Variants in IP6K1 observed in about 807,000 individuals in gnomAD.
The protein encoded by IP6K1 is inositol hexakisphosphate kinase 1, also known as ATP:1D-myo-inositol-hexakisphosphate phosphotransferase.
IP6K1 carries 13 observed loss-of-function variants against 38.3 expected under a neutral mutation model. The observed-to-expected ratio is 0.34, with a 90% CI of 0.22 to 0.54. The LOEUF is 0.54. IP6K1 is among the 20% of genes least tolerant of loss of function. IP6K1 has a pLI of 0.92. For missense variants in IP6K1, 397 were observed against 599.8 expected (o/e 0.66, Z 3.53); for synonymous variants, 212 against 229.9 (o/e 0.92, Z 0.70).
At chr3:49,730,802 C>T (rs918301351) in intron 4 of IP6K1, among the ~76,000 whole-genome samples, 2 of 152,076 alleles carry the variant, frequency 1.3e-5, no homozygotes, top group Admixed American at 6.6e-5. Flanking sequence ...TCGCAACCTC[C>T]GCCTCTTGAG....
Position 49,728,183 on chromosome 3 carries a change from C to T in IP6K1, c.712G>A (p.Ala238Thr). ...GTRQHGDDAS[A>T]EKAARQMRKC... ...CGCATCTGCCGGGCTGCCTTCTCAG[C>T]TGACGCGTCATCGCCATGCTGCCGC... Residue 238 changes from alanine to threonine, a missense_variant, in exon 5 of 6, where the codon GCT becomes ACT. Coordinates refer to ENST00000321599, the MANE Select transcript of IP6K1 (RefSeq NM_153273.4). 1 of 1,614,184 alleles carries T rather than the reference C, an allele frequency of 6.2e-7. No individual in the cohort carries two copies. The highest frequency in any genetic ancestry group is 8.5e-7 in the Non-Finnish European group (1 of 1,180,052).
intron 1 of IP6K1, among the ~76,000 whole-genome samples, chr3:49,779,135 CA>C (rs1407010673): frequency 6.6e-6 from 1 of 152,212 alleles, no homozygotes; most frequent in Non-Finnish European, 1.5e-5. Flanking sequence ...CTATCCCCTA[CA>C]ACCACCTCCA....
rs531340416 is a variant in IP6K1, at chr3:49,752,225, C to T, written c.-128-4057G>A. Among the ~76,000 whole-genome samples, 32 of 152,050 alleles carry T rather than the reference C, an allele frequency of 2.1e-4. 1 individual carries two copies. In the East Asian group the frequency reaches 4.9e-3, roughly 23 times the overall value. Reference sequence around the variant, plus strand: ...AGGGTTGGCCGGGTGCAGTGCCTCACGCCTGTAATCCCAGCACTTTGGGAA... The same window carrying T: ...AGGGTTGGCCGGGTGCAGTGCCTCATGCCTGTAATCCCAGCACTTTGGGAA... On this transcript the variant is annotated intron_variant, in intron 1 of 5. Coordinates refer to ENST00000321599, the MANE Select transcript of IP6K1 (RefSeq NM_153273.4).
At chr3:49,757,041 G>A (rs1041482459) in intron 1 of IP6K1, among the ~76,000 whole-genome samples, 13 of 152,098 alleles carry the variant, frequency 8.5e-5, no homozygotes, top group Admixed American at 5.9e-4. Context: ...GTAGAAGGAT[G>A]GGAGAAATGG....
At chr3:49,756,633 C>A (rs1232744182) in intron 1 of IP6K1, among the ~76,000 whole-genome samples, 9 of 151,948 alleles carry the variant, frequency 5.9e-5, no homozygotes, top group Non-Finnish European at 1.0e-4. Flanking sequence ...GTCTGACCAA[C>A]ATGGAGAAAC....
At chr3:49,763,377 T>C (rs2108251470) in intron 1 of IP6K1, among the ~76,000 whole-genome samples, 1 of 152,120 alleles carries the variant, frequency 6.6e-6, no homozygotes, top group East Asian at 1.9e-4. Flanking sequence ...AGTGCTGGGA[T>C]TACAGGTATG....
intron 1 of IP6K1, chr3:49,786,000 A>G (rs1210181072): frequency 6.6e-6 from 1 of 152,248 alleles, no homozygotes; most frequent in African/African-American, 2.4e-5. Flanking sequence ...AGGTAAGTCT[A>G]TTTCTCAGCC....
chr3:49,770,846 A>C lies in IP6K1; in HGVS notation c.-129+15508T>G, dbSNP rs138034718. ...TTATTTATGAGATGGAGTCTTGATC[A>C]CACCCGTATTCCTAGCATCTTGTGA... On this transcript the variant is annotated intron_variant, in intron 1 of 5. Coordinates refer to ENST00000321599, the MANE Select transcript of IP6K1 (RefSeq NM_153273.4). Among the ~76,000 whole-genome samples, 766 of 152,300 alleles carry C rather than the reference A, an allele frequency of 5.0e-3. 9 individuals carry two copies. The highest frequency in any genetic ancestry group is 0.017 in the African/African-American group (694 of 41,554).
intron 1 of IP6K1, among the ~76,000 whole-genome samples, chr3:49,750,036 T>C (rs2080759339): frequency 6.6e-6 from 1 of 152,188 alleles, no homozygotes; most frequent in Non-Finnish European, 1.5e-5. Flanking sequence ...ACCACTGTGC[T>C]GTCATCTATT....
Position 49,727,697 on chromosome 3 carries a change from CTG to C in IP6K1, c.793-44_793-43del. 1 of 1,585,898 alleles carries C rather than the reference CTG, an allele frequency of 6.3e-7. No individual in the cohort carries two copies. Among genetic ancestry groups the C allele is most frequent in the Non-Finnish European group, 8.6e-7 (1 of 1,163,020 alleles). On this transcript the variant is annotated intron_variant, in intron 5 of 5. Coordinates refer to ENST00000321599, the MANE Select transcript of IP6K1 (RefSeq NM_153273.4). This position sits in a 1 kb window ranked among gnomAD's most constrained non-coding sequence, Gnocchi z 5.9. ...CAGACAGGGTGAGTGCCAGGGAAGT[CTG>C]AAGAGCTCACAGTGCCCTGGGCAAA...
At chr3:49,749,536 A>C (rs1379740765) in intron 1 of IP6K1, among the ~76,000 whole-genome samples, 2 of 152,214 alleles carry the variant, frequency 1.3e-5, no homozygotes, top group African/African-American at 4.8e-5. Flanking sequence ...GTAAGAGACA[A>C]ACCATCGGGT....
intron 3 of IP6K1, among the ~76,000 whole-genome samples, chr3:49,736,618 T>C (rs2080614352): frequency 6.6e-6 from 1 of 152,158 alleles, no homozygotes; most frequent in African/African-American, 2.4e-5. Context: ...CATTCACCAG[T>C]TGATGGACAC....
At chr3:49,777,394 T>C (rs1314957225) in intron 1 of IP6K1, among the ~76,000 whole-genome samples, 1 of 150,996 alleles carries the variant, frequency 6.6e-6, no homozygotes, top group Non-Finnish European at 1.5e-5. Flanking sequence ...AAACCCCATC[T>C]CTACTAAAAA....
chr3:49,766,902 T>C (rs1056999550), intron 1 of IP6K1, among the ~76,000 whole-genome samples: 1 of 125,678 alleles, frequency 8.0e-6, no homozygotes, highest in African/African-American at 3.1e-5. Context: ...GAGGCAGAGG[T>C]TGCAGCGAGC....
chr3:49,777,773 G>T lies in IP6K1; in HGVS notation c.-129+8581C>A, dbSNP rs572163395. Among the ~76,000 whole-genome samples, 8 of 150,270 alleles carry T rather than the reference G, an allele frequency of 5.3e-5. No homozygotes were observed. In the South Asian group the frequency reaches 6.3e-4, roughly 12 times the overall value. ...ACTAAAAATACAAAAAAATTAGCCG[G>T]GCGTGGTGGCAGGCGCCTGTAGTCC... On this transcript the variant is annotated intron_variant, in intron 1 of 5. Coordinates refer to ENST00000321599, the MANE Select transcript of IP6K1 (RefSeq NM_153273.4).
chr3:49,779,013 T>C (rs1473683806), intron 1 of IP6K1, among the ~76,000 whole-genome samples: 1 of 152,144 alleles, frequency 6.6e-6, no homozygotes, highest in African/African-American at 2.4e-5. Flanking sequence ...TGATTTTAAG[T>C]ATAAAATTTA....
chr3:49,783,569 C>T (rs1040716929), intron 1 of IP6K1, among the ~76,000 whole-genome samples: 1 of 151,688 alleles, frequency 6.6e-6, no homozygotes, highest in Admixed American at 6.6e-5. Context: ...AAAAATTGGC[C>T]GGGCATGGTG....
At chr3:49,769,493 A>G (rs150693958) in intron 1 of IP6K1, among the ~76,000 whole-genome samples, 1 of 152,230 alleles carries the variant, frequency 6.6e-6, no homozygotes, top group Non-Finnish European at 1.5e-5. Flanking sequence ...TGCCAGCGAC[A>G]AATCAGGATA....
chr3:49,754,341 A>G (rs1398180651), intron 1 of IP6K1, among the ~76,000 whole-genome samples: 1 of 151,196 alleles, frequency 6.6e-6, no homozygotes, highest in Non-Finnish European at 1.5e-5. Flanking sequence ...ATGCCACAGC[A>G]CTCCAGCCTG....
Sources: gnomAD v4.1 joint callset for allele counts (sites outside exome capture counted in the v4.1 genomes callset) on GRCh38, gnomAD v4.1.1 for gene constraint, Gnocchi (gnomAD v3.1) non-coding constraint, MANE v1.5 for transcripts, NCBI Gene and HGNC (gene_info 2026-07-23, HGNC 2026-07-21) for gene names.